Variants in RNF115 observed in about 807,000 individuals in gnomAD.
The protein encoded by RNF115 is ring finger protein 115.
RNF115 carries 31 observed loss-of-function variants against 39.2 expected under a neutral mutation model. The ratio of observed to expected loss-of-function variants is 0.79; its 90% CI spans 0.59 to 1.07. The LOEUF is 1.07. Among genes scored for constraint, RNF115 ranks in the 50% least tolerant of loss-of-function variants. The pLI, the probability that RNF115 is intolerant of heterozygous loss-of-function variation, is 0.00. For synonymous variants in RNF115, 124 were observed against 131.0 expected, an observed-to-expected ratio of 0.95 and a Z score of 0.37; for missense variants, 384 against 381.7, an observed-to-expected ratio of 1.01 and a Z score of -0.05.
rs1553711418 is a variant in RNF115, at chr1:145,744,652, T to C, written c.*2214A>G. 1 of 152,220 alleles carries C rather than the reference T, an allele frequency of 6.6e-6. No homozygotes were observed. Among genetic ancestry groups the C allele is most frequent in the African/African-American group, 2.4e-5 (1 of 41,428 alleles). 9.4% of individuals were successfully genotyped at this position (152,220 alleles called of 1,614,324 possible). The stretch of plus-strand genomic sequence containing the variant: ...TCAGCGTATGATAGTCAACAAAAAC[T>C]GAGGAAAGACTTCTAGCCAAGAAAA... On this transcript the variant is annotated 3_prime_UTR_variant, in exon 9 of 9. Transcript: ENST00000582693.
chr1:145,757,066 C>A (rs1176020635), intron 4 of RNF115, among the ~76,000 whole-genome samples: 2 of 151,970 alleles, frequency 1.3e-5, no homozygotes, highest in Non-Finnish European at 2.9e-5. Context: ...GAACTTCTGA[C>A]CTCAGGTGAT....
At chr1:145,778,361 G>GT (rs587630377) in intron 3 of RNF115, among the ~76,000 whole-genome samples, 371 of 152,276 alleles carry the variant, frequency 2.4e-3, no homozygotes, top group African/African-American at 8.4e-3. Flanking sequence ...CTACTAATGT[G>GT]TATGGGGATT....
At position 145,823,762 on chromosome 1, in the gene RNF115, G is replaced by A. The variant is rs782594094; in HGVS notation, c.102+10C>T. On this transcript the variant is annotated intron_variant, in intron 1 of 8. Transcript: ENST00000582693. ...GAGGTTCCCAAGTATAGAGAACACA[G>A]CGCTCTTACCGGTAGTTTGGGGCTG... The A allele has an allele frequency of 5.8e-6, 9 of 1,560,012 alleles. No individual in the cohort carries two copies.
intron 4 of RNF115, among the ~76,000 whole-genome samples, chr1:145,756,234 G>A (rs1359669629): frequency 6.6e-6 from 1 of 152,116 alleles, no homozygotes. Context: ...GTCAAGGCAG[G>A]AGGATCACTT....
At chr1:145,782,174 G>C (rs1553717517) in intron 3 of RNF115, among the ~76,000 whole-genome samples, 1 of 152,014 alleles carries the variant, frequency 6.6e-6, no homozygotes, top group Non-Finnish European at 1.5e-5. Flanking sequence ...CAAAGTGCTG[G>C]GATTACAAGC....
chr1:145,803,532 G>A (rs922109631), intron 1 of RNF115, among the ~76,000 whole-genome samples: 1 of 152,102 alleles, frequency 6.6e-6, no homozygotes, highest in South Asian at 2.1e-4. Context: ...GGGAATACAG[G>A]TGCCCGCCAT....
chr1:145,759,621 C>G (rs1349007862), intron 4 of RNF115, among the ~76,000 whole-genome samples: 19 of 152,222 alleles, frequency 1.2e-4, no homozygotes, highest in Admixed American at 1.2e-3. Context: ...TAAATGGTTT[C>G]TCTGCTGTGT....
chr1:145,757,038 A>G (rs754144771), intron 4 of RNF115, among the ~76,000 whole-genome samples: 66 of 151,750 alleles, frequency 4.3e-4, no homozygotes, highest in South Asian at 8.3e-4. Context: ...GTTTTACCAC[A>G]TTGGCCAGGC....
intron 4 of RNF115, among the ~76,000 whole-genome samples, chr1:145,763,420 G>C (rs1382130416): frequency 2.0e-5 from 3 of 152,162 alleles, no homozygotes; most frequent in Non-Finnish European, 4.4e-5. Context: ...AAATGGGGCT[G>C]GGCGCAGTGG....
chr1:145,806,340 T>G (rs1276737821), intron 1 of RNF115, among the ~76,000 whole-genome samples: 2 of 151,900 alleles, frequency 1.3e-5, no homozygotes, highest in Non-Finnish European at 2.9e-5. Context: ...AGAGGAAGAC[T>G]CCATCTCAAA....
At chr1:145,809,368 G>T (rs2101600743) in intron 1 of RNF115, among the ~76,000 whole-genome samples, 1 of 150,042 alleles carries the variant, frequency 6.7e-6, no homozygotes, top group South Asian at 2.1e-4. Context: ...TGTACTTTTA[G>T]TAGATGCAGA....
chr1:145,788,855 G>T, intron 2 of RNF115, 53 bp downstream of exon 2: 1 of 1,283,872 alleles, frequency 7.8e-7, no homozygotes, highest in South Asian at 1.2e-5. Context: ...CATGCTGAGA[G>T]AAAATAGTTT....
intron 5 of RNF115, 61 bp downstream of exon 5, chr1:145,752,917 A>G (rs1466816666): frequency 8.2e-7 from 1 of 1,219,248 alleles, no homozygotes; most frequent in Admixed American, 1.7e-5. Context: ...CTGCACAGAA[A>G]TGACAGCACC....
intron 2 of RNF115, among the ~76,000 whole-genome samples, chr1:145,788,007 G>A (rs1300415977): frequency 6.6e-6 from 1 of 152,114 alleles, no homozygotes; most frequent in Non-Finnish European, 1.5e-5. Flanking sequence ...CCTTTATGAA[G>A]GCCAATAAGA....
intron 4 of RNF115, among the ~76,000 whole-genome samples, chr1:145,757,798 T>A (rs1478270948): frequency 1.5e-5 from 2 of 136,904 alleles, no homozygotes; most frequent in African/African-American, 4.9e-5. Flanking sequence ...TATCACTGTA[T>A]GTTGGGTGTG....
intron 4 of RNF115, among the ~76,000 whole-genome samples, chr1:145,766,094 G>A (rs1174005761): frequency 2.0e-5 from 3 of 151,046 alleles, no homozygotes; most frequent in African/African-American, 7.3e-5. Context: ...AAGGTCAGCA[G>A]ATAAGTGAAC....
chr1:145,762,525 G>A (rs782720608), intron 4 of RNF115, among the ~76,000 whole-genome samples: 11 of 152,044 alleles, frequency 7.2e-5, no homozygotes, highest in Non-Finnish European at 1.2e-4. Context: ...TATAAAATAT[G>A]TGTAGTATAA....
intron 4 of RNF115, among the ~76,000 whole-genome samples, chr1:145,770,740 GATAAAGCAT>G (rs1647601278): frequency 6.6e-6 from 1 of 152,146 alleles, no homozygotes; most frequent in Admixed American, 6.5e-5. Flanking sequence ...ACATAAAGCA[GATAAAGCAT>G]GAAGCACAGT....
chr1:145,795,136 C>T (rs371657003), intron 1 of RNF115, among the ~76,000 whole-genome samples: 1 of 151,850 alleles, frequency 6.6e-6, no homozygotes, highest in African/African-American at 2.4e-5. Flanking sequence ...GGAGTGAAGC[C>T]GCAGACCTTC....
Sources: allele counts gnomAD v4.1 joint callset (sites outside exome capture counted in the v4.1 genomes callset), GRCh38; gene constraint gnomAD v4.1.1; transcripts MANE v1.5; gene names NCBI Gene and HGNC (gene_info 2026-07-23, HGNC 2026-07-21).